The following SCAF11 variants were observed in gnomAD, a reference collection of about 807,000 sequenced individuals.
SCAF11 encodes SR-related CTD associated factor 11, also known as protein SCAF11.
In SCAF11, 47 loss-of-function variants were observed where a neutral mutation model predicts 140.5. The ratio of observed to expected loss-of-function variants is 0.33; its 90% CI spans 0.26 to 0.43. The LOEUF is 0.43. Among genes scored for constraint, SCAF11 ranks in the 20% least tolerant of loss-of-function variants. The probability of loss-of-function intolerance (pLI) is 1.00; values close to 1 mark genes in which losing one functional copy is unlikely to be tolerated. For missense variants in SCAF11, 1,645 were observed against 1,705.1 expected (o/e 0.96, Z 0.62); for synonymous variants, 557 against 579.4 (o/e 0.96, Z 0.55).
Position 45,960,180 on chromosome 12 carries a change from A to G in SCAF11, c.219+1520T>C, listed in dbSNP as rs771980556. Reference sequence around the variant, plus strand: ...TACATACCCTAGAGAAACCTGGAACATGTACATCAGGGTAAAGGTTGTGTG... The same window carrying G: ...TACATACCCTAGAGAAACCTGGAACGTGTACATCAGGGTAAAGGTTGTGTG... On this transcript the variant is annotated intron_variant, in intron 3 of 14. Coordinates refer to ENST00000369367, the MANE Select transcript of SCAF11 (RefSeq NM_004719.3). Among the ~76,000 whole-genome samples the G allele has an allele frequency of 2.0e-5, 3 of 152,194 alleles. No homozygotes were observed. In the South Asian group the frequency reaches 6.2e-4, roughly 31 times the overall value.
At chr12:45,972,961 T>TATATAGATATAGATATATAG (rs1565689240) in intron 1 of SCAF11, among the ~76,000 whole-genome samples, 28 of 82,284 alleles carry the variant, frequency 3.4e-4, no homozygotes, top group South Asian at 9.7e-4. Flanking sequence ...GATATATAGA[T>TATATAGATATAGATATATAG]ATATATATAG....
At chr12:45,973,240 C>A in intron 1 of SCAF11, among the ~76,000 whole-genome samples, 1 of 149,184 alleles carries the variant, frequency 6.7e-6, no homozygotes. Flanking sequence ...GAAGATAAAC[C>A]ACTAGAAATT....
At position 45,935,450 on chromosome 12, in the gene SCAF11, G is replaced by A. The variant is rs774585638; in HGVS notation, c.464-945C>T. 8.5e-5 allele frequency among the ~76,000 whole-genome samples: 13 copies of A among 152,194 alleles called. 1 individual carries two copies. The highest frequency in any genetic ancestry group is 1.8e-4 in the Non-Finnish European group (12 of 68,028). On this transcript the variant is annotated intron_variant, in intron 6 of 14. Transcript: ENST00000369367. ...CTTTGAAAATCTGTATCTAAAAGAT[G>A]ATACGCTGATTTTTTAAAATGGCTT...
chr12:45,976,866 C>T (rs920480146), intron 1 of SCAF11, among the ~76,000 whole-genome samples: 3 of 151,962 alleles, frequency 2.0e-5, no homozygotes, highest in African/African-American at 7.2e-5. Flanking sequence ...AAATTGGAAA[C>T]AGAAAAACAG....
At chr12:45,928,936 C>G in intron 10 of SCAF11, 77 bp from the exon 11 acceptor site, 1 of 864,628 alleles carries the variant, frequency 1.2e-6, no homozygotes, top group African/African-American at 1.8e-5. Flanking sequence ...CTAATTTTAG[C>G]ATAAAATAGT....
At position 45,951,696 on chromosome 12, in the gene SCAF11, G is replaced by C. The variant is rs924891887; in HGVS notation, c.251C>G (p.Pro84Arg). 1 of 1,592,396 alleles carries C rather than the reference G, an allele frequency of 6.3e-7. No individual in the cohort carries two copies. The highest frequency in any genetic ancestry group is 8.6e-7 in the Non-Finnish European group (1 of 1,166,362). The change falls in exon 4 of 15, where the codon CCT becomes CGT. Residue 84 changes from proline to arginine, a missense_variant. Physicochemically the swap from Pro to Arg is moderately radical, Grantham distance 103. Transcript: ENST00000369367. The stretch of plus-strand genomic sequence containing the variant: ...ACTGAATTTAAACACTGCCTGAAAA[G>C]GTTTACGGTCAATAGGACATGAAGC... ...TLASCPIDRK[P>R]FQAVFKFSAL...
chr12:45,963,385 GATA>G (rs1945868794), intron 2 of SCAF11, among the ~76,000 whole-genome samples: 1 of 151,732 alleles, frequency 6.6e-6, no homozygotes, highest in South Asian at 2.1e-4. Context: ...AAAAGAGAAT[GATA>G]ATTAGACTGG....
intron 4 of SCAF11, among the ~76,000 whole-genome samples, chr12:45,951,049 G>GT (rs1428736728): frequency 1.3e-5 from 2 of 151,548 alleles, no homozygotes; most frequent in African/African-American, 4.8e-5. Flanking sequence ...ATGTTTTTTT[G>GT]TTTTTTCAGG....
In SCAF11 at chr12:45,922,685, C is replaced by G. The variant is rs1944743437; in HGVS notation, c.4126-103G>C. The G allele has an allele frequency of 2.6e-6, 3 of 1,134,616 alleles. No homozygotes were observed. In the South Asian group the frequency reaches 4.7e-5, roughly 18 times the overall value. The allele number at this position is 1,134,616 out of a possible 1,614,324, so 70.3% of individuals were successfully genotyped here. A position where few individuals can be genotyped will look rare whatever the true frequency, so the allele number is the denominator to read the frequency against. On this transcript the variant is annotated intron_variant, in intron 13 of 14. Transcript: ENST00000369367. ...TACTTCATATTTACAATAAGAGACT[C>G]TCCAACTATTAACGTGACAAATATA...
At position 45,927,934 on chromosome 12, in the gene SCAF11, T is replaced by C. The variant is rs370320281; in HGVS notation, c.1767A>G (p.Leu589=). ...VNEEKITESS[L]VEITEHKDFT... is the part of the protein sequence containing the mutation. Reference sequence around the variant, plus strand: ...AATCTTTATGTTCAGTAATTTCTACTAGGGAACTCTCTGTTATTTTTTCTT... The same window carrying C: ...AATCTTTATGTTCAGTAATTTCTACCAGGGAACTCTCTGTTATTTTTTCTT... Residue 589 remains leucine (L), a synonymous_variant, in exon 11 of 15, where the codon CTA becomes CTG. Transcript: ENST00000369367. 13 of 1,613,374 alleles carry C rather than the reference T, an allele frequency of 8.1e-6. No homozygotes were observed. The highest frequency in any genetic ancestry group is 1.1e-5 in the Non-Finnish European group (13 of 1,179,852).
chr12:45,921,743 C>T lies in SCAF11; in HGVS notation c.*305G>A. The T allele has an allele frequency of 4.6e-6, 1 of 218,240 alleles. No homozygotes were observed. The highest frequency in any genetic ancestry group is 9.0e-6 in the Non-Finnish European group (1 of 111,036). 13.5% of individuals were successfully genotyped at this position (218,240 alleles called of 1,614,324 possible). ...TTTCTAATTTATGCACTCCATTGCC[C>T]TAATCAAAAAGCTATACATTTTCCA... is the stretch of plus-strand genomic sequence containing the variant. On this transcript the variant is annotated 3_prime_UTR_variant, in exon 15 of 15. Coordinates refer to ENST00000369367, the MANE Select transcript of SCAF11 (RefSeq NM_004719.3).
At chr12:45,948,414 C>T in intron 5 of SCAF11, 23 bp downstream of exon 5, 2 of 1,487,980 alleles carry the variant, frequency 1.3e-6, no homozygotes, top group East Asian at 2.3e-5. Context: ...ATTTGCATTC[C>T]ACTTCTAAAG....
At chr12:45,941,752 T>A (rs1945306762) in intron 6 of SCAF11, among the ~76,000 whole-genome samples, 1 of 152,216 alleles carries the variant, frequency 6.6e-6, no homozygotes, top group South Asian at 2.1e-4. Context: ...ATCCAATCCA[T>A]CAATGAATCC....
rs754711671 is a variant in SCAF11 at position 45,927,999 on chromosome 12, G to A, written c.1702C>T (p.Leu568=). 35 of 1,613,042 alleles carry A rather than the reference G, an allele frequency of 2.2e-5. No individual in the cohort carries two copies. The East Asian group carries it at 7.6e-4, about 35-fold the overall frequency. The part of the protein sequence containing the change: ...SKVYQPVSCP[L]SDLSENVESV... ...TCTACATTCTCAGATAAGTCACTTA[G>A]GGGACAAGATACAGGTTGGTACACT... is the stretch of plus-strand genomic sequence containing the variant. Residue 568 remains leucine (L), a synonymous_variant, in exon 11 of 15, where the codon CTA becomes TTA. Transcript: ENST00000369367.
chr12:45,932,040 CAT>C (rs146979342), intron 9 of SCAF11, among the ~76,000 whole-genome samples: 29 of 148,574 alleles, frequency 2.0e-4, no homozygotes, highest in South Asian at 4.2e-4. Context: ...AAAGTGTGTG[CAT>C]ATATATATAT....
intron 3 of SCAF11, among the ~76,000 whole-genome samples, chr12:45,958,077 T>C (rs886951147): frequency 3.3e-5 from 5 of 151,960 alleles, no homozygotes; most frequent in African/African-American, 1.2e-4. Flanking sequence ...ATTTTTTTTT[T>C]TTTTCCCAGT....
intron 3 of SCAF11, chr12:45,956,318 G>C (rs2136595224): frequency 1.7e-6 from 1 of 604,058 alleles, no homozygotes; most frequent in Non-Finnish European, 3.0e-6. Flanking sequence ...ACAAAATAGA[G>C]CATGTTATAC....
At position 45,922,057 on chromosome 12, in the gene SCAF11, G is replaced by A; in HGVS notation, c.4383C>T (p.Asn1461=). 3 of 1,609,674 alleles carry A rather than the reference G, an allele frequency of 1.9e-6. No individual in the cohort carries two copies. Among genetic ancestry groups the A allele is most frequent in the Non-Finnish European group, 8.5e-7 (1 of 1,178,912 alleles). ...TLEEPVSTEK[N]IG ...GACAGCGTTCCCCATTTCAGCCTAT[G>A]TTTTTTTCAGTAGACACAGGTTCTT... The change falls in exon 15 of 15, where the codon AAC becomes AAT. Residue 1461 remains asparagine, a synonymous_variant. Coordinates refer to ENST00000369367, the MANE Select transcript of SCAF11 (RefSeq NM_004719.3).
chr12:45,978,189 T>C (rs1946277140), intron 1 of SCAF11, among the ~76,000 whole-genome samples: 1 of 152,170 alleles, frequency 6.6e-6, no homozygotes, highest in African/African-American at 2.4e-5. Context: ...GTAGCATATG[T>C]CCTTTGATAA....
Sources: allele counts gnomAD v4.1 joint callset (sites outside exome capture counted in the v4.1 genomes callset), GRCh38; gene constraint gnomAD v4.1.1; transcripts MANE v1.5; gene names NCBI Gene and HGNC (gene_info 2026-07-23, HGNC 2026-07-21).